The following ITGAV variants were observed in gnomAD, a reference collection of about 807,000 sequenced individuals.
ITGAV encodes the protein integrin alpha-V.
ITGAV carries 76 observed loss-of-function variants against 143.8 expected under a neutral mutation model. The observed-to-expected ratio is 0.53, with a 90% CI of 0.44 to 0.64. The LOEUF (loss-of-function observed/expected upper bound fraction) is 0.64, where lower values mean the gene tolerates loss of function less well. Among genes scored for constraint, ITGAV ranks in the 30% least tolerant of loss-of-function variants. The pLI is 0.00. For missense variants in ITGAV, 1,193 were observed against 1,274.7 expected (o/e 0.94, Z 0.98); for synonymous variants, 453 against 446.7 (o/e 1.01, Z -0.18).
chr2:186,598,429 T>C (rs1686808084), intron 1 of ITGAV, among the ~76,000 whole-genome samples: 1 of 137,772 alleles, frequency 7.3e-6, no homozygotes, highest in South Asian at 2.4e-4. Flanking sequence ...ACTCTCTTAC[T>C]CATAGCATTT....
chr2:186,599,275 C>T (rs560734357), intron 1 of ITGAV, among the ~76,000 whole-genome samples: 1 of 151,996 alleles, frequency 6.6e-6, no homozygotes, highest in Non-Finnish European at 1.5e-5. Flanking sequence ...TTTACTTTAT[C>T]TTCTTTCTCT....
chr2:186,667,104 G>A (rs202000161), intron 22 of ITGAV, 46 bp from the exon 23 acceptor site: 3 of 1,454,466 alleles, frequency 2.1e-6, no homozygotes, highest in Non-Finnish European at 2.9e-6. Flanking sequence ...TATGTTCTTG[G>A]TTGTTATGCA....
chr2:186,600,282 C>T, intron 1 of ITGAV: 1 of 1,505,502 alleles, frequency 6.6e-7, no homozygotes, highest in Non-Finnish European at 9.0e-7. Flanking sequence ...TCCATCTCTT[C>T]ATTCCACTTC....
rs377313456 is a variant in ITGAV at position 186,637,650 on chromosome 2, T to G, written c.802+541T>G. Among the ~76,000 whole-genome samples the G allele has an allele frequency of 4.5e-4, 68 of 152,342 alleles. No individual in the cohort carries two copies. The East Asian group carries it at 7.1e-3, about 16-fold the overall frequency. On this transcript the variant is annotated intron_variant, in intron 8 of 29. Coordinates refer to ENST00000261023, the MANE Select transcript of ITGAV (RefSeq NM_002210.5). ...CTGCTGAAATTGAGACAGCTACACT[T>G]GGCTTCAGTGCCTTTCCTTTCTGCT... is the stretch of plus-strand genomic sequence containing the variant.
At chr2:186,666,670 G>T in intron 21 of ITGAV, 34 bp from the exon 22 acceptor site, 1 of 1,285,878 alleles carries the variant, frequency 7.8e-7, no homozygotes, top group South Asian at 1.7e-5. Flanking sequence ...ATTAGACATT[G>T]ACTAGCATTA....
chr2:186,660,572 T>C (rs1688718288), intron 18 of ITGAV: 1 of 152,236 alleles, frequency 6.6e-6, no homozygotes. Flanking sequence ...TTCCATGCAC[T>C]CTCTCTTTGC....
intron 12 of ITGAV, among the ~76,000 whole-genome samples, 191 bp from the exon 13 acceptor site, chr2:186,646,495 A>G (rs1009845704): frequency 3.9e-5 from 6 of 152,202 alleles, no homozygotes; most frequent in Non-Finnish European, 8.8e-5. Flanking sequence ...TGAACTTTGA[A>G]TTAGTATTTA....
chr2:186,668,719 ATT>A lies in ITGAV; in HGVS notation c.2434-39_2434-38del, dbSNP rs755151148. On this transcript the variant is annotated intron_variant, in intron 24 of 29. Coordinates refer to ENST00000261023, the MANE Select transcript of ITGAV (RefSeq NM_002210.5). ...ATGTAGGGGAAGGATTATGGAACAG[ATT>A]TTTGCCCAAGGTGTAGATACATTTT... is the stretch of plus-strand genomic sequence containing the variant. 1.2e-3 allele frequency: 1,917 copies of A among 1,586,076 alleles called. 1 individual carries two copies. Among genetic ancestry groups the A allele is most frequent in the Non-Finnish European group, 1.6e-3 (1,807 of 1,163,748 alleles).
At position 186,680,796 on chromosome 2, in the gene ITGAV, T is replaced by C. The variant is rs1689330167; in HGVS notation, c.*3504T>C. 6.6e-6 allele frequency: 1 copy of C among 152,654 alleles called. No individual in the cohort carries two copies. Among genetic ancestry groups the C allele is most frequent in the Admixed American group, 6.5e-5 (1 of 15,274 alleles). The allele number at this position is 152,654 out of a possible 1,614,324, so 9.5% of individuals were successfully genotyped here. A position where few individuals can be genotyped will look rare whatever the true frequency, so the allele number is the denominator to read the frequency against. On this transcript the variant is annotated 3_prime_UTR_variant, in exon 30 of 30. Transcript: ENST00000261023. Reference sequence around the variant, plus strand: ...CAGAAAATGAATCTGTTCTAAAATTTGTAATTTGCTAACTTGATTTGAGTT... The same window carrying C: ...CAGAAAATGAATCTGTTCTAAAATTCGTAATTTGCTAACTTGATTTGAGTT...
chr2:186,659,857 T>TAGA (rs1688696994), intron 18 of ITGAV, among the ~76,000 whole-genome samples: 2 of 151,932 alleles, frequency 1.3e-5, no homozygotes, highest in South Asian at 4.1e-4. Context: ...AAGTCTTTTC[T>TAGA]AATTTTTATA....
At chr2:186,613,462 AT>A (rs1205254916) in intron 2 of ITGAV, among the ~76,000 whole-genome samples, 9 of 152,052 alleles carry the variant, frequency 5.9e-5, no homozygotes, top group African/African-American at 2.2e-4. Context: ...CTTTTTGTTT[AT>A]TTTTGGGAAA....
intron 24 of ITGAV, among the ~76,000 whole-genome samples, chr2:186,668,329 G>T (rs1244267984): frequency 7.0e-6 from 1 of 142,702 alleles, no homozygotes; most frequent in Non-Finnish European, 1.5e-5. Flanking sequence ...GGGTTCAAGC[G>T]ATTCTCCTGC....
At chr2:186,654,879 C>T (rs1688540769) in intron 16 of ITGAV, among the ~76,000 whole-genome samples, 171 bp downstream of exon 16, 1 of 152,028 alleles carries the variant, frequency 6.6e-6, no homozygotes, top group Non-Finnish European at 1.5e-5. Context: ...TTTGGTAACC[C>T]TTAAGCTAAT....
At chr2:186,651,935 C>G (rs1394834657) in intron 14 of ITGAV, 47 bp from the exon 15 acceptor site, 5 of 1,150,152 alleles carry the variant, frequency 4.3e-6, no homozygotes, top group Non-Finnish European at 5.1e-6. Flanking sequence ...ATCAACCTAA[C>G]TTTTTAAATA....
Position 186,677,434 on chromosome 2 carries a change from A to G in ITGAV, c.*142A>G. 3.2e-6 allele frequency: 2 copies of G among 619,526 alleles called. No homozygotes were observed. Among genetic ancestry groups the G allele is most frequent in the Non-Finnish European group, 5.8e-6 (2 of 346,848 alleles). 38.4% of individuals were successfully genotyped at this position (619,526 alleles called of 1,614,324 possible). A position where few individuals can be genotyped will look rare whatever the true frequency, so the allele number is the denominator to read the frequency against. ...TGGCATTAACCACAAAATGAGAATT[A>G]TATTTGTCAACCTTCTCCTTATAAA... On this transcript the variant is annotated 3_prime_UTR_variant, in exon 30 of 30. Transcript: ENST00000261023.
rs1687649527 is a variant in ITGAV, at chr2:186,625,557, A to C, written c.493A>C (p.Lys165Gln). 1 of 1,613,638 alleles carries C rather than the reference A, an allele frequency of 6.2e-7. No individual in the cohort carries two copies. The highest frequency in any genetic ancestry group is 1.3e-5 in the African/African-American group (1 of 75,006). ...VGTCFLQDGTKTVEYAPCRSQ... is the reference protein window; with the variant it reads ...VGTCFLQDGTQTVEYAPCRSQ... Reference sequence around the variant, plus strand: ...AACATGCTTTCTTCAAGATGGAACAAAGACTGTTGAGTATGCTCCATGTAG... The same window carrying C: ...AACATGCTTTCTTCAAGATGGAACACAGACTGTTGAGTATGCTCCATGTAG... The change falls in exon 4 of 30, where the codon AAG (lysine) becomes CAG (glutamine). Residue 165 changes from lysine (K) to glutamine (Q), a missense_variant. By Grantham distance (53) the Lys-to-Gln change is moderately conservative. Transcript: ENST00000261023.
intron 6 of ITGAV, among the ~76,000 whole-genome samples, chr2:186,635,776 T>G (rs1687930875): frequency 6.6e-6 from 1 of 152,222 alleles, no homozygotes; most frequent in South Asian, 2.1e-4. Context: ...ATGGATTAGT[T>G]GGGTGATAGC....
chr2:186,599,334 C>A (rs1344429231), intron 1 of ITGAV, among the ~76,000 whole-genome samples: 1 of 152,174 alleles, frequency 6.6e-6, no homozygotes. Flanking sequence ...CATTGCCCCT[C>A]CTCTTTCGAC....
chr2:186,671,872 A>G (rs190317368), intron 26 of ITGAV, among the ~76,000 whole-genome samples: 3 of 150,494 alleles, frequency 2.0e-5, no homozygotes, highest in Non-Finnish European at 3.0e-5. Flanking sequence ...CATACAACAT[A>G]TGGCCTTTTG....
Sources: gnomAD v4.1 joint callset for allele counts (sites outside exome capture counted in the v4.1 genomes callset) on GRCh38, gnomAD v4.1.1 for gene constraint, MANE v1.5 for transcripts, NCBI Gene and HGNC (gene_info 2026-07-23, HGNC 2026-07-21) for gene names.